The following PIWIL2 variants were observed in gnomAD, a reference collection of about 807,000 sequenced individuals.
The protein encoded by PIWIL2 is piwi like RNA-mediated gene silencing 2.
Under a neutral mutation model 116.5 loss-of-function variants are expected in PIWIL2, and 81 were observed. The ratio of observed to expected loss-of-function variants is 0.70; its 90% confidence interval spans 0.58 to 0.84. The LOEUF is 0.84. Ranked by LOEUF, PIWIL2 falls within the 40% of genes least tolerant of loss-of-function variation. The pLI is 0.00. For missense variants in PIWIL2, 1,272 were observed against 1,212.3 expected (o/e 1.05, Z -0.73); for synonymous variants, 489 against 429.5 (o/e 1.14, Z -1.71).
At chr8:22,327,423 A>C (rs1224780600) in intron 20 of PIWIL2, among the ~76,000 whole-genome samples, 1 of 145,470 alleles carries the variant, frequency 6.9e-6, no homozygotes, top group East Asian at 2.0e-4. Flanking sequence ...GCTGGAGTGC[A>C]ATGGCGCGAT....
intron 20 of PIWIL2, among the ~76,000 whole-genome samples, chr8:22,328,837 T>A (rs1230709115): frequency 3.4e-5 from 5 of 146,174 alleles, no homozygotes; most frequent in African/African-American, 7.5e-5. Flanking sequence ...TTTTTTTTTT[T>A]AATTCTTTGG....
intron 4 of PIWIL2, among the ~76,000 whole-genome samples, chr8:22,282,377 G>A (rs1407109817): frequency 6.6e-5 from 10 of 151,090 alleles, no homozygotes; most frequent in African/African-American, 1.5e-4. Flanking sequence ...TAGTAGAGAC[G>A]GGGTTTCATC....
In PIWIL2 at chr8:22,353,022, A is replaced by C; in HGVS notation, c.2467A>C (p.Lys823Gln). Residue 823 changes from lysine (K) to glutamine (Q), a missense_variant, in exon 21 of 23, where the codon AAG (lysine) becomes CAG (glutamine). By Grantham distance (53) the Lys-to-Gln change is moderately conservative. Coordinates refer to ENST00000356766, the MANE Select transcript of PIWIL2 (RefSeq NM_018068.5). ...TGATGGAGTGTCTGATGGCCAACTG[A>C]AGACAGTTGCCAACTATGAGATTCC... ...YRDGVSDGQL[K>Q]TVANYEIPQL... is the part of the protein sequence containing the mutation. 6.2e-7 allele frequency: 1 copy of C among 1,612,662 alleles called. No homozygotes were observed. Among genetic ancestry groups the C allele is most frequent in the Non-Finnish European group, 8.5e-7 (1 of 1,178,628 alleles).
chr8:22,289,947 C>T lies in PIWIL2; in HGVS notation c.1067+20C>T. The T allele has an allele frequency of 6.6e-7, 1 of 1,517,950 alleles. No homozygotes were observed. Among genetic ancestry groups the T allele is most frequent in the South Asian group, 1.1e-5 (1 of 88,482 alleles). 94.0% of individuals were successfully genotyped at this position (1,517,950 alleles called of 1,614,324 possible). A position where few individuals can be genotyped will look rare whatever the true frequency, so the allele number is the denominator to read the frequency against. On this transcript the variant is annotated intron_variant, in intron 9 of 22. Transcript: ENST00000356766. ...ACACAGGTTGGTACTTTTTTCCCTT[C>T]CCTCACTTTTGAATGTTCTGGAAAG...
intron 10 of PIWIL2, among the ~76,000 whole-genome samples, chr8:22,302,362 A>G (rs1831071280): frequency 6.6e-6 from 1 of 151,990 alleles, no homozygotes; most frequent in African/African-American, 2.4e-5. Flanking sequence ...TTGTATTTTT[A>G]GTAGAAATGG....
At chr8:22,327,592 C>T (rs141113598) in intron 20 of PIWIL2, among the ~76,000 whole-genome samples, 1 of 152,074 alleles carries the variant, frequency 6.6e-6, no homozygotes, top group Non-Finnish European at 1.5e-5. Context: ...GTCTCAAGCT[C>T]CCGACCTCAG....
intron 21 of PIWIL2, 58 bp from the exon 22 acceptor site, chr8:22,354,213 T>C: frequency 8.9e-7 from 1 of 1,124,586 alleles, no homozygotes; most frequent in Non-Finnish European, 1.4e-6. Context: ...CCAGGATCTT[T>C]GCCAGCTCTG....
intron 16 of PIWIL2, among the ~76,000 whole-genome samples, chr8:22,313,322 T>G (rs979515450): frequency 2.4e-4 from 36 of 152,190 alleles, no homozygotes; most frequent in African/African-American, 8.7e-4. Context: ...AGAGGGTAAC[T>G]CCTGTGACTG....
chr8:22,314,837 G>A (rs1237975120), intron 17 of PIWIL2, among the ~76,000 whole-genome samples, 192 bp from the exon 18 acceptor site: 1 of 152,146 alleles, frequency 6.6e-6, no homozygotes, highest in Non-Finnish European at 1.5e-5. Flanking sequence ...GTGTATGTGT[G>A]TGTGTGTGTG....
chr8:22,299,730 C>T (rs368673575), intron 10 of PIWIL2, among the ~76,000 whole-genome samples: 9 of 152,118 alleles, frequency 5.9e-5, no homozygotes, highest in East Asian at 3.9e-4. Context: ...ACCTGTGAAA[C>T]GTTACAGTGA....
intron 4 of PIWIL2, among the ~76,000 whole-genome samples, chr8:22,281,725 A>G (rs1235900379): frequency 6.6e-6 from 1 of 152,088 alleles, no homozygotes; most frequent in Non-Finnish European, 1.5e-5. Flanking sequence ...GGGCTGTTCA[A>G]AAATTCATTT....
At position 22,355,630 on chromosome 8, in the gene PIWIL2, T is replaced by A; in HGVS notation, c.*125T>A. On this transcript the variant is annotated 3_prime_UTR_variant, in exon 23 of 23. Coordinates refer to ENST00000356766, the MANE Select transcript of PIWIL2 (RefSeq NM_018068.5). ...ATAATTTTCCCTTTCTCCAACCCTG[T>A]AGAATAAGATTTCTTTCTTGTCTTT... 1 of 785,458 alleles carries A rather than the reference T, an allele frequency of 1.3e-6. No individual in the cohort carries two copies. The highest frequency in any genetic ancestry group is 2.0e-6 in the Non-Finnish European group (1 of 502,358). 48.7% of individuals were successfully genotyped at this position (785,458 alleles called of 1,614,324 possible).
chr8:22,286,233 A>T (rs1361223056), intron 6 of PIWIL2, among the ~76,000 whole-genome samples: 1 of 152,252 alleles, frequency 6.6e-6, no homozygotes, highest in East Asian at 1.9e-4. Context: ...TAGAGAAAAA[A>T]AAGGAAAGAT....
intron 20 of PIWIL2, among the ~76,000 whole-genome samples, chr8:22,320,715 C>T (rs1358173740): frequency 6.6e-6 from 1 of 152,040 alleles, no homozygotes; most frequent in African/African-American, 2.4e-5. Context: ...CTCAGCCTCC[C>T]ATGTAGCTGG....
chr8:22,316,340 A>G lies in PIWIL2; in HGVS notation c.2297+7A>G, dbSNP rs148943613. The G allele has an allele frequency of 1.7e-5, 27 of 1,553,830 alleles. No individual in the cohort carries two copies. The African/African-American group carries it at 2.2e-4, about 12-fold the overall frequency. ...TCGTGGCAAGCATCAATCTGTAAGT[A>G]CTGCTCACAGTGCCATCTTGTTTGA... On this transcript the variant is annotated splice_region_variant and intron_variant, in intron 19 of 22. Transcript: ENST00000356766.
intron 20 of PIWIL2, among the ~76,000 whole-genome samples, chr8:22,347,508 T>C (rs1487680841): frequency 7.1e-6 from 1 of 140,928 alleles, no homozygotes; most frequent in African/African-American, 2.6e-5. Context: ...TGAGCCACTG[T>C]GCCTGGCCTT....
chr8:22,285,341 A>T (rs1041947618), intron 6 of PIWIL2, among the ~76,000 whole-genome samples: 2 of 152,060 alleles, frequency 1.3e-5, no homozygotes, highest in African/African-American at 4.8e-5. Context: ...TTCTGTGCCT[A>T]TCTTATTTCA....
intron 10 of PIWIL2, among the ~76,000 whole-genome samples, chr8:22,295,909 C>T (rs1365989469): frequency 6.6e-6 from 1 of 151,994 alleles, no homozygotes; most frequent in African/African-American, 2.4e-5. Context: ...GCCATTCCTA[C>T]TGAATTCAAT....
chr8:22,327,024 CTTTTTT>C (rs71544876), intron 20 of PIWIL2, among the ~76,000 whole-genome samples: 6 of 105,470 alleles, frequency 5.7e-5, no homozygotes, highest in South Asian at 6.3e-4. Context: ...TGTTTTTTTA[CTTTTTT>C]TTTTTTTTTT....
Sources: gnomAD v4.1 joint callset for allele counts (sites outside exome capture counted in the v4.1 genomes callset) on GRCh38, gnomAD v4.1.1 for gene constraint, MANE v1.5 for transcripts, NCBI Gene and HGNC (gene_info 2026-07-23, HGNC 2026-07-21) for gene names.